CYB5R4: variants seen among roughly 807,000 people sequenced by gnomAD.
CYB5R4 encodes cytochrome b5 reductase 4.
Under a neutral mutation model 70.2 loss-of-function variants are expected in CYB5R4, and 55 were observed. The observed-to-expected ratio is 0.78, with a 90% confidence interval of 0.63 to 0.98. The LOEUF is 0.98. Among genes scored for constraint, CYB5R4 ranks in the 50% least tolerant of loss-of-function variants. The pLI, the probability that CYB5R4 is intolerant of heterozygous loss-of-function variation, is 0.00. For synonymous variants in CYB5R4, 197 were observed against 199.5 expected, an observed-to-expected ratio of 0.99 and a Z score of 0.11; for missense variants, 562 against 612.6, an observed-to-expected ratio of 0.92 and a Z score of 0.87.
intron 3 of CYB5R4, among the ~76,000 whole-genome samples, chr6:83,904,332 T>G (rs2129136742): frequency 6.6e-6 from 1 of 152,320 alleles, no homozygotes; most frequent in Non-Finnish European, 1.5e-5. Context: ...TTAATTTCCA[T>G]GTATTTGTAT....
intron 7 of CYB5R4, among the ~76,000 whole-genome samples, chr6:83,919,959 G>A (rs2099466113): frequency 6.6e-6 from 1 of 152,054 alleles, no homozygotes; most frequent in African/African-American, 2.4e-5. Context: ...ACTGAAGTTA[G>A]GGAGGTAATT....
intron 2 of CYB5R4, among the ~76,000 whole-genome samples, chr6:83,878,316 G>T (rs1301366713): frequency 2.6e-5 from 4 of 151,862 alleles, no homozygotes; most frequent in African/African-American, 9.7e-5. Flanking sequence ...TTTTGACAAT[G>T]AGTTGTTGTA....
intron 5 of CYB5R4, 40 bp downstream of exon 5, chr6:83,914,488 T>C (rs2099465180): frequency 2.8e-6 from 4 of 1,438,824 alleles, no homozygotes; most frequent in Non-Finnish European, 2.8e-6. Context: ...CATATTCACA[T>C]GCTTATGAAT....
intron 3 of CYB5R4, among the ~76,000 whole-genome samples, chr6:83,895,246 A>G (rs1428707324): frequency 1.3e-5 from 2 of 152,026 alleles, no homozygotes; most frequent in East Asian, 1.9e-4. Context: ...GATCACTGCA[A>G]CCTGCGCCTC....
chr6:83,909,955 T>C, intron 4 of CYB5R4: 1 of 1,414,662 alleles, frequency 7.1e-7, no homozygotes, highest in Non-Finnish European at 9.8e-7. Context: ...AGTGTTGAAG[T>C]AGAGAAACCA....
intron 3 of CYB5R4, among the ~76,000 whole-genome samples, chr6:83,903,111 A>G (rs569367368): frequency 1.3e-5 from 2 of 152,094 alleles, no homozygotes; most frequent in Non-Finnish European, 1.5e-5. Context: ...CTTAGTGAAA[A>G]GGCTTTTAAC....
At chr6:83,941,637 A>G (rs1182482823) in intron 14 of CYB5R4, among the ~76,000 whole-genome samples, 1 of 152,152 alleles carries the variant, frequency 6.6e-6, no homozygotes, top group African/African-American at 2.4e-5. Context: ...GCTGTCTCCC[A>G]TCATCCTCCA....
intron 3 of CYB5R4, among the ~76,000 whole-genome samples, chr6:83,899,774 T>C (rs1272805129): frequency 6.6e-6 from 1 of 152,230 alleles, no homozygotes; most frequent in Admixed American, 6.5e-5. Flanking sequence ...TAGTATTCTC[T>C]GATGGTAGCT....
At chr6:83,881,894 A>T in intron 2 of CYB5R4, among the ~76,000 whole-genome samples, 1 of 152,204 alleles carries the variant, frequency 6.6e-6, no homozygotes, top group East Asian at 1.9e-4. Context: ...TTTACTTTAA[A>T]TTATTATAAA....
intron 2 of CYB5R4, among the ~76,000 whole-genome samples, chr6:83,871,497 T>A (rs899866152): frequency 6.6e-6 from 1 of 152,140 alleles, no homozygotes; most frequent in African/African-American, 2.4e-5. Context: ...TCTGTACTTC[T>A]CTCCCATTCA....
In CYB5R4 at chr6:83,924,602, G is replaced by A. The variant is rs1242488537; in HGVS notation, c.814+10G>A. On this transcript the variant is annotated intron_variant, in intron 10 of 15. Transcript: ENST00000369681. ...CCAAGGAAAGATACAGGTATGCTGT[G>A]TTCTTTTGTTACGTTAATTTCACAT... The A allele has an allele frequency of 3.1e-6, 5 of 1,608,238 alleles. No homozygotes were observed. The highest frequency in any genetic ancestry group is 3.4e-6 in the Non-Finnish European group (4 of 1,177,454).
intron 2 of CYB5R4, among the ~76,000 whole-genome samples, chr6:83,892,519 A>G (rs1428130376): frequency 1.3e-5 from 2 of 152,138 alleles, no homozygotes; most frequent in African/African-American, 2.4e-5. Context: ...TGAAAAAGCA[A>G]CTTACTTCCT....
At chr6:83,935,272 C>T (rs1055673474) in intron 11 of CYB5R4, among the ~76,000 whole-genome samples, 6 of 152,092 alleles carry the variant, frequency 3.9e-5, no homozygotes, top group African/African-American at 1.4e-4. Context: ...TTCTTATTGA[C>T]GTCCAACATT....
chr6:83,949,911 G>C (rs1588586708), intron 14 of CYB5R4, among the ~76,000 whole-genome samples: 1 of 152,140 alleles, frequency 6.6e-6, no homozygotes, highest in African/African-American at 2.4e-5. Context: ...GCATATGTAG[G>C]TTCCTAGCCC....
chr6:83,861,841 T>A (rs2099455988), intron 1 of CYB5R4, among the ~76,000 whole-genome samples: 1 of 152,252 alleles, frequency 6.6e-6, no homozygotes, highest in Non-Finnish European at 1.5e-5. Flanking sequence ...GTGTTTAATA[T>A]TAGAAGTATT....
chr6:83,938,713 A>G (rs1208167967), intron 12 of CYB5R4, among the ~76,000 whole-genome samples: 2 of 152,242 alleles, frequency 1.3e-5, no homozygotes, highest in African/African-American at 2.4e-5. Flanking sequence ...GGCTGTGGGT[A>G]AAAGTTACCA....
At chr6:83,950,027 T>C (rs2099471276) in intron 14 of CYB5R4, among the ~76,000 whole-genome samples, 1 of 152,160 alleles carries the variant, frequency 6.6e-6, no homozygotes, top group South Asian at 2.1e-4. Flanking sequence ...CGATATTGTG[T>C]TTACTTATTT....
intron 9 of CYB5R4, among the ~76,000 whole-genome samples, chr6:83,923,623 G>T (rs926254043): frequency 4.0e-5 from 6 of 151,878 alleles, no homozygotes; most frequent in African/African-American, 1.5e-4. Context: ...CCCATATATT[G>T]TAAACATTTT....
At position 83,940,671 on chromosome 6, in the gene CYB5R4, C is replaced by G. The variant is rs972013886; in HGVS notation, c.1346+70C>G. The G allele has an allele frequency of 9.4e-6, 14 of 1,484,600 alleles. No individual in the cohort carries two copies. In the African/African-American group the frequency reaches 2.1e-4, roughly 22 times the overall value. The allele number at this position is 1,484,600 out of a possible 1,614,324, so 92.0% of individuals were successfully genotyped here. ...GTAGTAAGTCTATGCCTTATCTTCT[C>G]TGGTTGAAGCTTTGATTGTCCAGGA... is the stretch of plus-strand genomic sequence containing the variant. On this transcript the variant is annotated intron_variant, in intron 14 of 15. Transcript: ENST00000369681.
Sources: gnomAD v4.1 joint callset for allele counts (sites outside exome capture counted in the v4.1 genomes callset) on GRCh38, gnomAD v4.1.1 for gene constraint, MANE v1.5 for transcripts, NCBI Gene and HGNC (gene_info 2026-07-23, HGNC 2026-07-21) for gene names.